Variants in UNC5D observed in about 807,000 individuals in gnomAD.
The protein encoded by UNC5D is unc-5 netrin receptor D.
A neutral mutation model predicts 105.4 loss-of-function variants in UNC5D; 39 were observed. The ratio of observed to expected loss-of-function variants is 0.37; its 90% CI spans 0.29 to 0.48. The LOEUF (loss-of-function observed/expected upper bound fraction) is 0.48, where lower values mean the gene tolerates loss of function less well. UNC5D is among the 20% of genes least tolerant of loss of function. The pLI, the probability that UNC5D is intolerant of heterozygous loss-of-function variation, is 0.98. For missense variants in UNC5D, 991 were observed against 1,202.4 expected (o/e 0.82, Z 2.60); for synonymous variants, 452 against 450.4 (o/e 1.00, Z -0.04).
chr8:35,493,931 A>AAGTTAATTTGATTTTT (rs1278397384), intron 1 of UNC5D, among the ~76,000 whole-genome samples: 2 of 152,166 alleles, frequency 1.3e-5, no homozygotes, highest in African/African-American at 4.8e-5. Context: ...AAACAGTCCA[A>AAGTTAATTTGATTTTT]AGTTAATTTG....
chr8:35,722,149 C>T (rs183003782), intron 8 of UNC5D, 61 bp from the exon 9 acceptor site: 35 of 1,565,392 alleles, frequency 2.2e-5, no homozygotes, highest in East Asian at 1.6e-4. Context: ...TTTGTATTCC[C>T]GAGTGGTTCT....
chr8:35,759,892 A>G (rs1801441128), intron 14 of UNC5D, among the ~76,000 whole-genome samples: 1 of 152,170 alleles, frequency 6.6e-6, no homozygotes, highest in Admixed American at 6.5e-5. Context: ...GATGATTTTG[A>G]GTTGTAGAGA....
At chr8:35,355,650 T>C (rs1300825092) in intron 1 of UNC5D, among the ~76,000 whole-genome samples, 1 of 152,154 alleles carries the variant, frequency 6.6e-6, no homozygotes, top group African/African-American at 2.4e-5. Flanking sequence ...GGTCTGAATG[T>C]ATCCCCTGAA....
intron 16 of UNC5D, among the ~76,000 whole-genome samples, chr8:35,787,103 G>A (rs1309906535): frequency 1.3e-5 from 2 of 152,036 alleles, no homozygotes; most frequent in African/African-American, 4.8e-5. Flanking sequence ...GACCACATGT[G>A]GCCCCGAAAA....
chr8:35,783,311 G>A (rs1240218716), intron 16 of UNC5D, among the ~76,000 whole-genome samples: 1 of 152,084 alleles, frequency 6.6e-6, no homozygotes, highest in Non-Finnish European at 1.5e-5. Context: ...GGGTTGAAGT[G>A]ACTTCTTTGC....
At chr8:35,677,328 C>T (rs1427339983) in intron 4 of UNC5D, among the ~76,000 whole-genome samples, 1 of 152,128 alleles carries the variant, frequency 6.6e-6, no homozygotes, top group Non-Finnish European at 1.5e-5. Context: ...GCTCATTCCT[C>T]TGTGGAAACG....
chr8:35,259,706 G>C (rs1348840661), intron 1 of UNC5D, among the ~76,000 whole-genome samples: 1 of 150,956 alleles, frequency 6.6e-6, no homozygotes, highest in East Asian at 1.9e-4. Context: ...AAGGGCAGAA[G>C]CAACTTTAGC....
chr8:35,484,217 C>G (rs899975657), intron 1 of UNC5D, among the ~76,000 whole-genome samples: 12 of 152,114 alleles, frequency 7.9e-5, no homozygotes, highest in Non-Finnish European at 1.3e-4. Flanking sequence ...AAAAGAGAAA[C>G]AACAACAGTA....
chr8:35,762,565 T>C (rs1801587236), intron 14 of UNC5D, among the ~76,000 whole-genome samples: 1 of 152,180 alleles, frequency 6.6e-6, no homozygotes, highest in Non-Finnish European at 1.5e-5. Context: ...CTCTACCACA[T>C]TAGGAATATG....
chr8:35,286,423 C>T (rs923468518), intron 1 of UNC5D, among the ~76,000 whole-genome samples: 1 of 152,172 alleles, frequency 6.6e-6, no homozygotes, highest in Non-Finnish European at 1.5e-5. Context: ...CGAGCTTCCC[C>T]ACATTTGCCA....
At chr8:35,235,955 C>G (rs1802428263) in intron 1 of UNC5D, 68 bp downstream of exon 1, 1 of 1,195,850 alleles carries the variant, frequency 8.4e-7, no homozygotes, top group Non-Finnish European at 1.0e-6. Flanking sequence ...GGAGCGGGAC[C>G]TGCACCGATG....
At chr8:35,653,949 A>AT (rs202163596) in intron 4 of UNC5D, among the ~76,000 whole-genome samples, 3,003 of 151,104 alleles carry the variant, frequency 0.02, 55 homozygotes, top group African/African-American at 0.047. Flanking sequence ...ACTTAGTTAC[A>AT]TTTTTTTTTA....
chr8:35,683,809 G>T lies in UNC5D; in HGVS notation c.751+82G>T. The T allele has an allele frequency of 2.3e-6, 3 of 1,316,758 alleles. No individual in the cohort carries two copies. The East Asian group carries it at 8.9e-5, about 39-fold the overall frequency. The allele number at this position is 1,316,758 out of a possible 1,614,324, so 81.6% of individuals were successfully genotyped here. A position where few individuals can be genotyped will look rare whatever the true frequency, so the allele number is the denominator to read the frequency against. ...TGTGTGTTTTATTAAAACTTTCAAT[G>T]TCGAGAGCTGCAAAGACCTTGGGGT... On this transcript the variant is annotated intron_variant, in intron 5 of 16. Transcript: ENST00000404895.
At chr8:35,422,374 T>G (rs960952668) in intron 1 of UNC5D, among the ~76,000 whole-genome samples, 2 of 152,328 alleles carry the variant, frequency 1.3e-5, no homozygotes, top group Non-Finnish European at 2.9e-5. Context: ...CAAGTACATT[T>G]GAATCAATCC....
chr8:35,699,885 G>T (rs1354455948), intron 7 of UNC5D, among the ~76,000 whole-genome samples: 2 of 152,172 alleles, frequency 1.3e-5, no homozygotes, highest in Non-Finnish European at 2.9e-5. Flanking sequence ...CTAGAGATGG[G>T]TTATATCTTA....
chr8:35,687,195 G>A (rs568736111), intron 7 of UNC5D, among the ~76,000 whole-genome samples: 621 of 152,276 alleles, frequency 4.1e-3, no homozygotes, highest in African/African-American at 0.013. Flanking sequence ...TGTAATCCCA[G>A]CACTTTGGGA....
intron 4 of UNC5D, among the ~76,000 whole-genome samples, chr8:35,674,553 G>C (rs1825067802): frequency 6.6e-6 from 1 of 152,168 alleles, no homozygotes; most frequent in South Asian, 2.1e-4. Flanking sequence ...GCCTAAAAGA[G>C]TATTTGGCAC....
chr8:35,748,001 T>C (rs1830086082), intron 11 of UNC5D, among the ~76,000 whole-genome samples: 1 of 152,340 alleles, frequency 6.6e-6, no homozygotes, highest in East Asian at 1.9e-4. Context: ...AAAAAATAAA[T>C]GTTTTCAAAG....
At chr8:35,376,801 C>G (rs531592982) in intron 1 of UNC5D, among the ~76,000 whole-genome samples, 1 of 152,158 alleles carries the variant, frequency 6.6e-6, no homozygotes, top group Non-Finnish European at 1.5e-5. Flanking sequence ...GCCAGCAACC[C>G]TCTTCTCCAC....
Sources: allele counts gnomAD v4.1 joint callset (sites outside exome capture counted in the v4.1 genomes callset), GRCh38; gene constraint gnomAD v4.1.1; transcripts MANE v1.5; gene names NCBI Gene and HGNC (gene_info 2026-07-23, HGNC 2026-07-21).